Variants in DAZAP2 observed in about 807,000 individuals in gnomAD.
The protein encoded by DAZAP2 is DAZ-associated protein 2.
Under a neutral mutation model 16.2 loss-of-function variants are expected in DAZAP2, and 3 were observed. The observed-to-expected ratio is 0.19, with a 90% CI of 0.08 to 0.48. The LOEUF is 0.48. Among genes scored for constraint, DAZAP2 ranks in the 20% least tolerant of loss-of-function variants. DAZAP2 has a pLI of 0.98. For missense variants in DAZAP2, 172 were observed against 215.9 expected (o/e 0.80, Z 1.27); for synonymous variants, 69 against 77.6 (o/e 0.89, Z 0.58).
chr12:51,240,305 G>T, intron 1 of DAZAP2, 38 bp from the exon 2 acceptor site: 3 of 1,549,008 alleles, frequency 1.9e-6, no homozygotes, highest in Non-Finnish European at 2.7e-6. Context: ...TGGTAGCTCT[G>T]TGTAGTAGGC....
At position 51,243,068 on chromosome 12, in the gene DAZAP2, C is replaced by G; in HGVS notation, c.*610C>G. The G allele has an allele frequency of 1.0e-6, 1 of 991,868 alleles. No homozygotes were observed. Among genetic ancestry groups the G allele is most frequent in the Non-Finnish European group, 1.2e-6 (1 of 834,298 alleles). 61.4% of individuals were successfully genotyped at this position (991,868 alleles called of 1,614,324 possible). A position where few individuals can be genotyped will look rare whatever the true frequency, so the allele number is the denominator to read the frequency against. On this transcript the variant is annotated 3_prime_UTR_variant, in exon 4 of 4. Transcript: ENST00000412716. ...CTTCTCCCCACTCGTCATCTTTTAA[C>G]TAGTGTTTCACAAGGATCCTCTGAA...
downstream of DAZAP2, chr12:51,246,604 C>CCGTGTGTG: frequency 3.1e-6 from 1 of 324,826 alleles, no homozygotes; most frequent in Non-Finnish European, 5.4e-6. Context: ...TCTTTTATGG[C>CCGTGTGTG]TGTGTGTGTG....
At chr12:51,241,175 A>G (rs1944669506) in intron 3 of DAZAP2, 59 bp downstream of exon 3, 4 of 1,588,902 alleles carry the variant, frequency 2.5e-6, no homozygotes, top group Admixed American at 1.7e-5. Flanking sequence ...TTCTGAAATG[A>G]CTTCATATTC....
chr12:51,244,165 CAT>C (rs937602874), downstream of DAZAP2, among the ~76,000 whole-genome samples: 1 of 152,176 alleles, frequency 6.6e-6, no homozygotes, highest in Admixed American at 6.5e-5. Context: ...ACTGAAAACT[CAT>C]AGAATCTAGG....
intron 1 of DAZAP2, chr12:51,240,035 G>A (rs963893674): frequency 3.3e-5 from 12 of 359,424 alleles, no homozygotes; most frequent in African/African-American, 2.3e-4. Context: ...AACAGCAGCA[G>A]GCCAGAACCC....
chr12:51,241,087 G>C lies in DAZAP2; in HGVS notation c.349G>C (p.Gly117Arg), dbSNP rs1445616411. The change falls in exon 3 of 4, where the codon GGA becomes CGA. Residue 117 changes from glycine (G) to arginine (R), a missense_variant. Physicochemically the swap from Gly to Arg is moderately radical, Grantham distance 125. Transcript: ENST00000412716. ...AGGGTATGATGCAGGTGCCAGATTTGGAGCTGGGGCTACTGCTGGCAACAT... is the reference window on the plus strand; with the variant it reads ...AGGGTATGATGCAGGTGCCAGATTTCGAGCTGGGGCTACTGCTGGCAACAT... ...EGGYDAGARFGAGATAGNIPP... is the reference protein window; with the variant it reads ...EGGYDAGARFRAGATAGNIPP... 2 of 1,614,202 alleles carry C rather than the reference G, an allele frequency of 1.2e-6. No homozygotes were observed. Among genetic ancestry groups the C allele is most frequent in the South Asian group, 2.2e-5 (2 of 91,080 alleles).
Position 51,240,917 on chromosome 12 carries a change from CCAT to C in DAZAP2, c.180_182del (p.Met61del). On this transcript the variant is annotated inframe_deletion, in exon 3 of 4. Transcript: ENST00000412716. ...CACCCAGGGGCTGCCACAGTCCCCA[CCAT>C]GTCAGCCGCATTTCCTGGAGCCTCT... The C allele has an allele frequency of 4.3e-6, 7 of 1,614,232 alleles. No individual in the cohort carries two copies. Among genetic ancestry groups the C allele is most frequent in the Non-Finnish European group, 5.9e-6 (7 of 1,180,038 alleles).
chr12:51,239,228 G>A (rs1262970326), intron 1 of DAZAP2: 2 of 364,776 alleles, frequency 5.5e-6, no homozygotes, highest in Non-Finnish European at 5.0e-6. Context: ...CATTCGCGTA[G>A]GCCAATGGAG....
chr12:51,246,479 ACATATATCCTCGTCCCTACC>A (rs1944770961), downstream of DAZAP2: 9 of 429,214 alleles, frequency 2.1e-5, no homozygotes, highest in South Asian at 4.8e-4. Flanking sequence ...TCAACCAACC[ACATATATCCTCGTCCCTACC>A]CACGTACTCA....
intron 2 of DAZAP2, 192 bp from the exon 3 acceptor site, chr12:51,240,679 C>T: frequency 7.9e-6 from 7 of 883,298 alleles, no homozygotes; most frequent in Middle Eastern, 5.4e-4. Context: ...GATGAATTTG[C>T]GTTCTGTGAG....
rs755442380 is a variant in DAZAP2, at chr12:51,240,999, C to T, written c.261C>T (p.Ile87=). 9 of 1,614,206 alleles carry T rather than the reference C, an allele frequency of 5.6e-6. No homozygotes were observed. The South Asian group carries it at 8.8e-5, about 16-fold the overall frequency. ...CTGTTGGGCCTTTAGGTTCCACAAT[C>T]CCCATGGCTTATTATCCAGTCGGTC... The part of the protein sequence containing the change: ...SVAVGPLGST[I]PMAYYPVGPI... Residue 87 remains isoleucine (I), a synonymous_variant, in exon 3 of 4, where the codon ATC becomes ATT. Transcript: ENST00000412716.
chr12:51,239,037 G>C (rs549497858), intron 1 of DAZAP2, 117 bp downstream of exon 1: 272 of 1,461,576 alleles, frequency 1.9e-4, no homozygotes, highest in Middle Eastern at 1.1e-3. Flanking sequence ...CATGCTCCTT[G>C]GCCGGCTGCA....
At chr12:51,246,085 C>T (rs201691474), downstream of DAZAP2, 97 of 1,613,756 alleles carry the variant, frequency 6.0e-5, no homozygotes, top group African/African-American at 1.1e-3. Flanking sequence ...AGATCACGAC[C>T]GAGAGCAGGG....
At chr12:51,240,717 T>A in intron 2 of DAZAP2, 154 bp from the exon 3 acceptor site, 1 of 1,074,352 alleles carries the variant, frequency 9.3e-7, no homozygotes, top group Non-Finnish European at 1.3e-6. Context: ...CAGAAAGTGA[T>A]CCAGGAGAAT....
At position 51,238,859 on chromosome 12, in the gene DAZAP2, A is replaced by C. The variant is rs1490643746; in HGVS notation, c.-49A>C. 6.2e-7 allele frequency: 1 copy of C among 1,612,196 alleles called. No individual in the cohort carries two copies. Among genetic ancestry groups the C allele is most frequent in the South Asian group, 1.1e-5 (1 of 91,062 alleles). The stretch of plus-strand genomic sequence containing the variant: ...AGTAGCTCCGAACAGGAAGAGGACG[A>C]AAAAAATAACCGTCCGCGACGCCGA... On this transcript the variant is annotated 5_prime_UTR_variant, in exon 1 of 4. Coordinates refer to ENST00000412716, the MANE Select transcript of DAZAP2 (RefSeq NM_014764.4).
Position 51,243,035 on chromosome 12 carries a change from T to A in DAZAP2, c.*577T>A. The A allele has an allele frequency of 1.0e-6, 1 of 995,376 alleles. No homozygotes were observed. Among genetic ancestry groups the A allele is most frequent in the South Asian group, 4.5e-5 (1 of 22,280 alleles). The allele number at this position is 995,376 out of a possible 1,614,324, so 61.7% of individuals were successfully genotyped here. On this transcript the variant is annotated 3_prime_UTR_variant, in exon 4 of 4. Coordinates refer to ENST00000412716, the MANE Select transcript of DAZAP2 (RefSeq NM_014764.4). ...AGCCAGTCAGACTAATTTCCTTCTTTCCTCGCACTTCTCCCCACTCGTCAT... is the reference window on the plus strand; with the variant it reads ...AGCCAGTCAGACTAATTTCCTTCTTACCTCGCACTTCTCCCCACTCGTCAT...
At chr12:51,241,264 G>A in intron 3 of DAZAP2, 148 bp downstream of exon 3, 1 of 1,278,160 alleles carries the variant, frequency 7.8e-7, no homozygotes, top group Non-Finnish European at 1.1e-6. Flanking sequence ...GAAAGTGTTT[G>A]AGGGGGCAGA....
rs756572555 is a variant in DAZAP2, at chr12:51,238,893, G to T, written c.-15G>T. 1 of 1,613,312 alleles carries T rather than the reference G, an allele frequency of 6.2e-7. No individual in the cohort carries two copies. Among genetic ancestry groups the T allele is most frequent in the African/African-American group, 1.3e-5 (1 of 74,900 alleles). ...ACCGTCCGCGACGCCGAGACAAACC[G>T]GACCCGCAACCACCATGAACAGCAA... On this transcript the variant is annotated 5_prime_UTR_variant, in exon 1 of 4. Transcript: ENST00000412716.
downstream of DAZAP2, among the ~76,000 whole-genome samples, chr12:51,244,141 C>G (rs955744437): frequency 6.6e-6 from 1 of 152,172 alleles, no homozygotes; most frequent in African/African-American, 2.4e-5. Flanking sequence ...CTCCAATGTT[C>G]TATGTGGAGA....
Sources: allele counts gnomAD v4.1 joint callset (sites outside exome capture counted in the v4.1 genomes callset), GRCh38; gene constraint gnomAD v4.1.1; transcripts MANE v1.5; gene names NCBI Gene and HGNC (gene_info 2026-07-23, HGNC 2026-07-21).